The following MYSM1 variants were observed in gnomAD, a reference collection of about 807,000 sequenced individuals.
The protein encoded by MYSM1 is Myb like, SWIRM and MPN domains 1.
Under a neutral mutation model 116.0 loss-of-function variants are expected in MYSM1, and 51 were observed. The ratio of observed to expected loss-of-function variants is 0.44; its 90% CI spans 0.35 to 0.56. The LOEUF (loss-of-function observed/expected upper bound fraction) is 0.56. MYSM1 is among the 20% of genes least tolerant of loss of function. The probability of loss-of-function intolerance (pLI) is 0.00; values close to 1 mark genes in which losing one functional copy is unlikely to be tolerated. For synonymous variants in MYSM1, 313 were observed against 315.2 expected (o/e 0.99, Z 0.07); for missense variants, 900 against 974.9 (o/e 0.92, Z 1.02).
intron 1 of MYSM1, among the ~76,000 whole-genome samples, chr1:58,698,102 A>ATATATATATATATATTTATTTTTTTTTTT: frequency 1.3e-4 from 1 of 7,770 alleles, no homozygotes; most frequent in Non-Finnish European, 3.6e-4. Flanking sequence ...ATATATATAT[A>ATATATATATATATATTTATTTTTTTTTTT]TTTTTTTTTT....
At chr1:58,676,160 T>A (rs1644647732) in intron 9 of MYSM1, among the ~76,000 whole-genome samples, 1 of 152,202 alleles carries the variant, frequency 6.6e-6, no homozygotes, top group Non-Finnish European at 1.5e-5. Flanking sequence ...GGCTCACGCC[T>A]GTGATCCCAG....
chr1:58,677,115 CTGGG>C, intron 8 of MYSM1, 59 bp from the exon 9 acceptor site: 1 of 1,448,806 alleles, frequency 6.9e-7, no homozygotes, highest in Non-Finnish European at 9.4e-7. Context: ...AAAAAGATTT[CTGGG>C]GAAAACTTTC....
At position 58,694,134 on chromosome 1, in the gene MYSM1, G is replaced by C. The variant is rs568866948; in HGVS notation, c.147+995C>G. Among the ~76,000 whole-genome samples the C allele has an allele frequency of 7.1e-4, 108 of 152,140 alleles. 2 individuals are homozygous for C. The South Asian group carries it at 0.011, about 16-fold the overall frequency. The stretch of plus-strand genomic sequence containing the variant: ...CTCACTGACAATTTAATCTAAACTA[G>C]GTTTCCCACTCTGGTACTCTCATTC... On this transcript the variant is annotated intron_variant, in intron 2 of 19. Coordinates refer to ENST00000472487, the MANE Select transcript of MYSM1 (RefSeq NM_001085487.3).
intron 1 of MYSM1, among the ~76,000 whole-genome samples, chr1:58,695,980 A>G (rs953666400): frequency 2.0e-5 from 3 of 152,196 alleles, no homozygotes; most frequent in Admixed American, 6.5e-5. Flanking sequence ...TTGTCTAGTG[A>G]TAAGAATTTT....
intron 12 of MYSM1, among the ~76,000 whole-genome samples, chr1:58,670,987 A>AT (rs1204293396): frequency 2.6e-5 from 4 of 152,192 alleles, no homozygotes; most frequent in Admixed American, 2.6e-4. Context: ...ATGGAGGACT[A>AT]TTTTTTACAT....
chr1:58,673,208 A>T (rs1644589859), intron 11 of MYSM1, among the ~76,000 whole-genome samples: 1 of 145,612 alleles, frequency 6.9e-6, no homozygotes, highest in African/African-American at 2.5e-5. Flanking sequence ...ATATATTTAG[A>T]ACACATGTGT....
Position 58,699,693 on chromosome 1 carries a change from G to A in MYSM1, c.68+292C>T, listed in dbSNP as rs565853235. The A allele has an allele frequency of 4.1e-6, 4 of 985,456 alleles. No homozygotes were observed. In the African/African-American group the frequency reaches 5.2e-5, roughly 13 times the overall value. 61.0% of individuals were successfully genotyped at this position (985,456 alleles called of 1,614,324 possible). On this transcript the variant is annotated intron_variant, in intron 1 of 19. Transcript: ENST00000472487. Reference sequence around the variant, plus strand: ...AGATCCTGAAAAGGAGGGAACGGAAGAAGGAATCTAAATGTAAATCAAACG... The same window carrying A: ...AGATCCTGAAAAGGAGGGAACGGAAAAAGGAATCTAAATGTAAATCAAACG...
intron 9 of MYSM1, among the ~76,000 whole-genome samples, chr1:58,676,326 G>C (rs143655616): frequency 8.8e-4 from 130 of 147,750 alleles, no homozygotes; most frequent in African/African-American, 3.1e-3. Context: ...CGAAGCAAAA[G>C]AATCGCTTGA....
rs747254276 is a variant in MYSM1, at chr1:58,685,202, C to T, written c.449G>A (p.Arg150His). 10 of 1,608,012 alleles carry T rather than the reference C, an allele frequency of 6.2e-6. No individual in the cohort carries two copies. The East Asian group carries it at 9.0e-5, about 14-fold the overall frequency. The change falls in exon 7 of 20, where the codon CGC (arginine) becomes CAC (histidine). Residue 150 changes from arginine to histidine, a missense_variant. Coordinates refer to ENST00000472487, the MANE Select transcript of MYSM1 (RefSeq NM_001085487.3). The part of the protein sequence containing the change: ...WTKISKLIGS[R>H]TVLQVKSYAR... ...ATAACTCTTCACTTGTAAAACAGTG[C>T]GGCTTCCAATTAGCTTTGAAATTTT... is the stretch of plus-strand genomic sequence containing the variant.
At chr1:58,679,928 G>A (rs1644712953) in intron 8 of MYSM1, among the ~76,000 whole-genome samples, 1 of 151,572 alleles carries the variant, frequency 6.6e-6, no homozygotes. Context: ...CATGGGAGCT[G>A]AGGCAGAAGA....
At chr1:58,683,067 T>C (rs2100653117) in intron 7 of MYSM1, among the ~76,000 whole-genome samples, 1 of 152,320 alleles carries the variant, frequency 6.6e-6, no homozygotes, top group Middle Eastern at 3.4e-3. Context: ...CAACTGCATT[T>C]CAAATGTAAA....
rs781678256 is a variant in MYSM1 at position 58,682,058 on chromosome 1, C to T, written c.986G>A (p.Arg329Lys). The T allele has an allele frequency of 1.9e-6, 3 of 1,614,006 alleles. No homozygotes were observed. The highest frequency in any genetic ancestry group is 2.5e-6 in the Non-Finnish European group (3 of 1,180,036). Reference protein sequence around the residue: ...LIKNCNKHDGRGIIVDARQLP... With the variant: ...LIKNCNKHDGKGIIVDARQLP... ...CTGCCTGGCATCAACTATTATTCCC[C>T]TTCCATCATGCTTGTTGCAGTTTTT... The change falls in exon 8 of 20, where the codon AGG becomes AAG. Residue 329 changes from arginine to lysine, a missense_variant. Transcript: ENST00000472487.
chr1:58,663,828 T>A (rs961955527), intron 17 of MYSM1, among the ~76,000 whole-genome samples: 4 of 152,228 alleles, frequency 2.6e-5, no homozygotes, highest in Admixed American at 6.5e-5. Context: ...CTTATCTCCA[T>A]CACCTTAATT....
chr1:58,684,996 G>A (rs1258897307), intron 7 of MYSM1, among the ~76,000 whole-genome samples, 157 bp downstream of exon 7: 2 of 152,060 alleles, frequency 1.3e-5, no homozygotes, highest in South Asian at 2.1e-4. Flanking sequence ...TCAAAACACT[G>A]AAGATATCCT....
rs1644921961 is a variant in MYSM1, at chr1:58,692,866, T to C, written c.213A>G (p.Glu71=). The C allele has an allele frequency of 6.2e-7, 1 of 1,608,806 alleles. No homozygotes were observed. Among genetic ancestry groups the C allele is most frequent in the Non-Finnish European group, 8.5e-7 (1 of 1,177,828 alleles). ...NRAVIEKMLL[E]EEYYLSKKSQ... is the part of the protein sequence containing the mutation. ...TCATAATCATTAAAGGATACTCTTC[T>C]TCCAACAACATTTTCTCAATAACAG... Residue 71 remains glutamate, a synonymous_variant, in exon 3 of 20, where the codon GAA becomes GAG. Transcript: ENST00000472487.
At position 58,657,237 on chromosome 1, in the gene MYSM1, A is replaced by AG. The variant is rs200706099; in HGVS notation, c.*2759dup. ...AGTGTCGATTTCCATTAGCCAAGCC[A>AG]GAAAAAAAAAAAAATTAGGTCATTA... On this transcript the variant is annotated 3_prime_UTR_variant, in exon 20 of 20. Coordinates refer to ENST00000472487, the MANE Select transcript of MYSM1 (RefSeq NM_001085487.3). 1 of 40,370 alleles carries AG rather than the reference A, an allele frequency of 2.5e-5. No individual in the cohort carries two copies. Among genetic ancestry groups the AG allele is most frequent in the East Asian group, 1.1e-3 (1 of 902 alleles). 2.5% of individuals were successfully genotyped at this position (40,370 alleles called of 1,614,324 possible).
intron 8 of MYSM1, among the ~76,000 whole-genome samples, chr1:58,677,985 T>C (rs1644679017): frequency 6.6e-6 from 1 of 152,174 alleles, no homozygotes; most frequent in Admixed American, 6.5e-5. Context: ...TTTTATTCCA[T>C]GAATATATTG....
intron 16 of MYSM1, among the ~76,000 whole-genome samples, chr1:58,666,216 T>C (rs1400553649): frequency 2.0e-5 from 3 of 152,192 alleles, no homozygotes; most frequent in Non-Finnish European, 4.4e-5. Flanking sequence ...GCCATGAATA[T>C]ATTTACTAAT....
intron 6 of MYSM1, 75 bp downstream of exon 6, chr1:58,688,959 AAATT>A (rs1644866223): frequency 7.9e-7 from 1 of 1,269,240 alleles, no homozygotes; most frequent in Non-Finnish European, 1.1e-6. Flanking sequence ...AGGTCTCTAT[AAATT>A]AATTTAACCT....
Sources: gnomAD v4.1 joint callset for allele counts (sites outside exome capture counted in the v4.1 genomes callset) on GRCh38, gnomAD v4.1.1 for gene constraint, MANE v1.5 for transcripts, NCBI Gene and HGNC (gene_info 2026-07-23, HGNC 2026-07-21) for gene names.